Variants in CDHR2 observed in about 807,000 individuals in gnomAD.
The protein encoded by CDHR2 is cadherin related family member 2, also known as cadherin-related family member 2.
CDHR2 carries 104 observed loss-of-function variants against 138.6 expected under a neutral mutation model. That is an observed-to-expected ratio of 0.75 (90% CI 0.64 to 0.88). The LOEUF (loss-of-function observed/expected upper bound fraction) is 0.88, where lower values mean the gene tolerates loss of function less well. Ranked by LOEUF, CDHR2 falls within the 40% of genes least tolerant of loss-of-function variation. The pLI is 0.00. For missense variants in CDHR2, 1,624 were observed against 1,727.6 expected, an observed-to-expected ratio of 0.94 and a Z score of 1.06; for synonymous variants, 755 against 742.8, an observed-to-expected ratio of 1.02 and a Z score of -0.27.
At chr5:176,580,064 C>CA (rs1758489587) in intron 16 of CDHR2, among the ~76,000 whole-genome samples, 1 of 152,062 alleles carries the variant, frequency 6.6e-6, no homozygotes, top group Admixed American at 6.6e-5. Context: ...TGGTTCACCC[C>CA]AAAGACAAAC....
chr5:176,563,939 C>T (rs115876710), intron 1 of CDHR2, among the ~76,000 whole-genome samples: 74 of 152,270 alleles, frequency 4.9e-4, no homozygotes, highest in African/African-American at 1.6e-3. Context: ...CAGTGGCACA[C>T]GTCTGTAATC....
chr5:176,575,575 A>C lies in CDHR2; in HGVS notation c.838A>C (p.Ile280Leu), dbSNP rs541587987. ...KGINDPVIYS[I>L]SYSTRPGWFD... Reference sequence around the variant, plus strand: ...CATCAATGACCCTGTGATCTACAGCATCTCCTGTGAGAACGGGGTGTCCCC... The same window carrying C: ...CATCAATGACCCTGTGATCTACAGCCTCTCCTGTGAGAACGGGGTGTCCCC... The change falls in exon 10 of 32, where the codon ATC becomes CTC. Residue 280 changes from isoleucine to leucine, a missense_variant. Ile to Leu is a conservative substitution (Grantham distance 5). This residue lies in a region of CDHR2 where 1,061 missense variants were observed against 1,136.6 expected (regional missense o/e 0.93). Transcript: ENST00000261944. 5 of 1,613,998 alleles carry C rather than the reference A, an allele frequency of 3.1e-6. No homozygotes were observed. The Admixed American group carries it at 5.0e-5, about 16-fold the overall frequency.
Position 176,584,923 on chromosome 5 carries a change from C to T in CDHR2, c.2642C>T (p.Ala881Val). 6.2e-7 allele frequency: 1 copy of T among 1,604,894 alleles called. No individual in the cohort carries two copies. The highest frequency in any genetic ancestry group is 1.1e-5 in the South Asian group (1 of 89,982). Residue 881 changes from alanine (A) to valine (V), a missense_variant, in exon 19 of 32, where the codon GCC becomes GTC. Physicochemically the swap from Ala to Val is moderately conservative, Grantham distance 64. This residue lies in a region of CDHR2 where 556 missense variants were observed against 565.7 expected (regional missense o/e 0.98). Transcript: ENST00000261944. ...TCTGTGTACATCAACCAGAGCAAAG[C>T]CATCGACTACGAGGCCTGTGACCTG... is the stretch of plus-strand genomic sequence containing the variant. ...NGSVYINQSKAIDYEACDLVT... is the reference protein window; with the variant it reads ...NGSVYINQSKVIDYEACDLVT...
chr5:176,565,600 C>A, intron 2 of CDHR2, 72 bp from the exon 3 acceptor site: 1 of 1,417,152 alleles, frequency 7.1e-7, no homozygotes, highest in Non-Finnish European at 9.9e-7. Flanking sequence ...CTAGTGTGTG[C>A]TCCCAGGGGA....
chr5:176,589,373 G>GT lies in CDHR2; in HGVS notation c.3053dup (p.Thr1019AspfsTer50). 5.1e-6 allele frequency: 8 copies of GT among 1,559,866 alleles called. No individual in the cohort carries two copies. The highest frequency in any genetic ancestry group is 6.9e-6 in the Non-Finnish European group (8 of 1,152,214). On this transcript the variant is annotated frameshift_variant, in exon 23 of 32. Transcript: ENST00000261944. LOFTEE classifies it high-confidence loss of function. ...CTCCACTCTCCAAGGCACCTACCAA[G>GT]TGACAGTCCAGGCCAGGGACAGACC...
At chr5:176,545,036 T>C (rs1757555299), upstream of CDHR2, among the ~76,000 whole-genome samples, 1 of 152,178 alleles carries the variant, frequency 6.6e-6, no homozygotes, top group Non-Finnish European at 1.5e-5. Context: ...TAACGCTTGA[T>C]TTCAACTTGA....
At chr5:176,590,181 G>A in intron 25 of CDHR2, 35 bp downstream of exon 25, 1 of 1,611,938 alleles carries the variant, frequency 6.2e-7, no homozygotes, top group Non-Finnish European at 8.5e-7. Flanking sequence ...GGGGTTGAGG[G>A]GGAGAAGCGG....
In CDHR2 at chr5:176,581,599, C is replaced by T. The variant is rs370082471; in HGVS notation, c.2058+17C>T. On this transcript the variant is annotated intron_variant, in intron 17 of 31. Transcript: ENST00000261944. ...ACTGTGGAGGTAAGGCCTCGCTTAGCCAGGATGGGCCTGGGGGCCTCCCAA... is the reference window on the plus strand; with the variant it reads ...ACTGTGGAGGTAAGGCCTCGCTTAGTCAGGATGGGCCTGGGGGCCTCCCAA... 3.1e-6 allele frequency: 5 copies of T among 1,608,072 alleles called. No homozygotes were observed. The African/African-American group carries it at 5.3e-5, about 17-fold the overall frequency.
chr5:176,566,218 T>A (rs958240260), intron 3 of CDHR2, among the ~76,000 whole-genome samples: 7 of 152,154 alleles, frequency 4.6e-5, no homozygotes, highest in Admixed American at 6.5e-5. Flanking sequence ...GAGATGGGTT[T>A]TGAGATGTAA....
Position 176,575,539 on chromosome 5 carries a change from G to A in CDHR2, c.802G>A (p.Gly268Ser). The A allele has an allele frequency of 6.2e-7, 1 of 1,614,164 alleles. No individual in the cohort carries two copies. Among genetic ancestry groups the A allele is most frequent in the Non-Finnish European group, 8.5e-7 (1 of 1,180,026 alleles). The change falls in exon 10 of 32, where the codon GGC becomes AGC. Residue 268 changes from glycine to serine, a missense_variant. Physicochemically the swap from Gly to Ser is moderately conservative, Grantham distance 56 (BLOSUM62 0). Coordinates refer to ENST00000261944, the MANE Select transcript of CDHR2 (RefSeq NM_017675.6). ...GGTGCTGACGGTGGAGGCTGTGGAT[G>A]GCGACAAAGGCATCAATGACCCTGT... ...TSVLTVEAVD[G>S]DKGINDPVIY...
chr5:176,590,939 C>T (rs563624241), intron 28 of CDHR2, among the ~76,000 whole-genome samples: 7 of 152,356 alleles, frequency 4.6e-5, no homozygotes, highest in African/African-American at 1.7e-4. Context: ...CCCAGCTAGA[C>T]GTCTGGCACA....
In CDHR2 at chr5:176,595,763, C is replaced by G; in HGVS notation, c.*91C>G. 1.6e-6 allele frequency: 2 copies of G among 1,252,194 alleles called. No individual in the cohort carries two copies. Among genetic ancestry groups the G allele is most frequent in the Non-Finnish European group, 2.1e-6 (2 of 934,710 alleles). 77.6% of individuals were successfully genotyped at this position (1,252,194 alleles called of 1,614,324 possible). A position where few individuals can be genotyped will look rare whatever the true frequency, so the allele number is the denominator to read the frequency against. Reference sequence around the variant, plus strand: ...CTGGAGATGAAAATATATGACGCTGCCCTGCCTCCTGCTTTTGGCCAATCA... The same window carrying G: ...CTGGAGATGAAAATATATGACGCTGGCCTGCCTCCTGCTTTTGGCCAATCA... On this transcript the variant is annotated 3_prime_UTR_variant, in exon 32 of 32. Transcript: ENST00000261944.
chr5:176,557,626 C>T (rs1280828241), intron 1 of CDHR2, among the ~76,000 whole-genome samples: 2 of 138,438 alleles, frequency 1.4e-5, no homozygotes, highest in African/African-American at 2.8e-5. Flanking sequence ...AGTGCAGTGA[C>T]GAAATCTCTG....
chr5:176,591,479 T>G lies in CDHR2; in HGVS notation c.3729T>G (p.Ser1243=), dbSNP rs1561882922. 1 of 1,611,412 alleles carries G rather than the reference T, an allele frequency of 6.2e-7. No individual in the cohort carries two copies. Among genetic ancestry groups the G allele is most frequent in the Non-Finnish European group, 8.5e-7 (1 of 1,177,730 alleles). ...EYLSPSNDLD[S]VSVNSLDDNS... is the part of the protein sequence containing the mutation. ...TCTCTCCCTCCAATGACCTGGACTC[T>G]GTCAGGTGAGCAGTGCCCCTCACAG... Residue 1243 remains serine, a synonymous_variant, in exon 30 of 32, where the codon TCT becomes TCG. Coordinates refer to ENST00000261944, the MANE Select transcript of CDHR2 (RefSeq NM_017675.6).
upstream of CDHR2, chr5:176,547,311 G>A (rs998466549): frequency 2.0e-5 from 3 of 152,120 alleles, no homozygotes; most frequent in Non-Finnish European, 4.4e-5. Flanking sequence ...GGACTCAATG[G>A]ATCTCAATTC....
chr5:176,558,235 A>C, intron 1 of CDHR2, among the ~76,000 whole-genome samples: 1 of 91,186 alleles, frequency 1.1e-5, no homozygotes, highest in Non-Finnish European at 2.2e-5. Context: ...TTTTTTTTTG[A>C]GACGGAGTCT....
chr5:176,595,548 A>C lies in CDHR2; in HGVS notation c.3809A>C (p.His1270Pro), dbSNP rs754788217. ...TCCCTGCAGGAGCACAGGCCACCACACACACCACCAGAGCCAGATCCAGAG... is the reference window on the plus strand; with the variant it reads ...TCCCTGCAGGAGCACAGGCCACCACCCACACCACCAGAGCCAGATCCAGAG... ...SQEIKEHRPP[H>P]TPPEPDPEPL... The change falls in exon 32 of 32, where the codon CAC becomes CCC. Residue 1270 changes from histidine (H) to proline (P), a missense_variant. Physicochemically the swap from His to Pro is moderately conservative, Grantham distance 77 (BLOSUM62 -2). This residue lies in a region of CDHR2 where 556 missense variants were observed against 565.7 expected (regional missense o/e 0.98). Transcript: ENST00000261944. 7 of 1,607,672 alleles carry C rather than the reference A, an allele frequency of 4.4e-6. No individual in the cohort carries two copies. Among genetic ancestry groups the C allele is most frequent in the Non-Finnish European group, 5.9e-6 (7 of 1,176,786 alleles).
Position 176,565,338 on chromosome 5 carries a change from G to C in CDHR2, c.-15G>C, listed in dbSNP as rs551178657. ...GCCATTCCCTGACCTCTTCCCTTAGGTCCCTGCGGATGTGATGGCCCAGCT... is the reference window on the plus strand; with the variant it reads ...GCCATTCCCTGACCTCTTCCCTTAGCTCCCTGCGGATGTGATGGCCCAGCT... On this transcript the variant is annotated splice_region_variant and 5_prime_UTR_variant, in exon 2 of 32. Transcript: ENST00000261944. 6.2e-7 allele frequency: 1 copy of C among 1,613,028 alleles called. No individual in the cohort carries two copies. The highest frequency in any genetic ancestry group is 1.3e-5 in the African/African-American group (1 of 74,878).
upstream of CDHR2, among the ~76,000 whole-genome samples, chr5:176,544,762 CTG>C (rs1398940147): frequency 1.3e-5 from 2 of 152,186 alleles, no homozygotes; most frequent in African/African-American, 4.8e-5. Context: ...GGGTGGGAGG[CTG>C]TGAGTCTGTG....
Sources: gnomAD v4.1 joint callset for allele counts (sites outside exome capture counted in the v4.1 genomes callset) on GRCh38, gnomAD v4.1.1 for gene constraint, gnomAD v4.1.1 regional missense constraint, MANE v1.5 for transcripts, NCBI Gene and HGNC (gene_info 2026-07-23, HGNC 2026-07-21) for gene names.